TTC27: variants seen among roughly 807,000 people sequenced by gnomAD.
The protein encoded by TTC27 is tetratricopeptide repeat domain 27.
Under a neutral mutation model 115.9 loss-of-function variants are expected in TTC27, and 79 were observed. That is an observed-to-expected ratio of 0.68 (90% CI 0.57 to 0.82). TTC27 has a LOEUF of 0.82. Among genes scored for constraint, TTC27 ranks in the 40% least tolerant of loss-of-function variants. The pLI is 0.00. For missense variants in TTC27, 1,054 were observed against 993.1 expected (o/e 1.06, Z -0.82); for synonymous variants, 401 against 356.0 (o/e 1.13, Z -1.42).
At chr2:32,663,673 TATG>T (rs758075941) in intron 5 of TTC27, among the ~76,000 whole-genome samples, 1 of 150,780 alleles carries the variant, frequency 6.6e-6, no homozygotes, top group African/African-American at 2.4e-5. Context: ...TGTATGTATG[TATG>T]TATGTATTTA....
chr2:32,696,939 C>T (rs1168874923), intron 9 of TTC27, among the ~76,000 whole-genome samples: 1 of 152,162 alleles, frequency 6.6e-6, no homozygotes. Flanking sequence ...TGGCTCACAC[C>T]TGTAATCCTA....
intron 16 of TTC27, among the ~76,000 whole-genome samples, chr2:32,794,265 C>T (rs1398565384): frequency 6.6e-6 from 1 of 151,880 alleles, no homozygotes; most frequent in Non-Finnish European, 1.5e-5. Context: ...CTCTGACTAC[C>T]CCAGGATGAA....
chr2:32,780,772 A>G (rs1457178782), intron 14 of TTC27, among the ~76,000 whole-genome samples: 1 of 151,802 alleles, frequency 6.6e-6, no homozygotes, highest in Non-Finnish European at 1.5e-5. Flanking sequence ...TATTGTTAGC[A>G]TATAGAAACA....
intron 13 of TTC27, among the ~76,000 whole-genome samples, chr2:32,766,783 A>ATTAT (rs1669642133): frequency 6.6e-6 from 1 of 151,992 alleles, no homozygotes; most frequent in African/African-American, 2.4e-5. Context: ...ATATTGCTTT[A>ATTAT]TTATTTATTT....
chr2:32,760,112 G>GA (rs899073625), intron 13 of TTC27, among the ~76,000 whole-genome samples: 5 of 151,786 alleles, frequency 3.3e-5, no homozygotes, highest in South Asian at 2.1e-4. Context: ...GTTTTACATT[G>GA]AAAAAAAATC....
chr2:32,694,163 C>G (rs1281277698), intron 9 of TTC27, among the ~76,000 whole-genome samples: 1 of 151,846 alleles, frequency 6.6e-6, no homozygotes, highest in Non-Finnish European at 1.5e-5. Flanking sequence ...CTTAGCATTT[C>G]TAAGAAATGA....
intron 11 of TTC27, among the ~76,000 whole-genome samples, chr2:32,736,326 T>C (rs1199720898): frequency 6.6e-6 from 1 of 152,184 alleles, no homozygotes; most frequent in Non-Finnish European, 1.5e-5. Flanking sequence ...TATTGACTGC[T>C]CAGAGTTTTA....
intron 16 of TTC27, among the ~76,000 whole-genome samples, chr2:32,797,692 G>C (rs1188738477): frequency 6.6e-6 from 1 of 152,114 alleles, no homozygotes; most frequent in African/African-American, 2.4e-5. Flanking sequence ...CTTTATAACG[G>C]TAGATTTGGC....
chr2:32,697,490 T>A (rs188342229), intron 9 of TTC27, among the ~76,000 whole-genome samples: 38 of 152,322 alleles, frequency 2.5e-4, no homozygotes, highest in African/African-American at 8.9e-4. Flanking sequence ...AGAAATGTGT[T>A]TATAAGATAT....
At chr2:32,744,086 T>C (rs1668736868) in intron 12 of TTC27, among the ~76,000 whole-genome samples, 1 of 152,220 alleles carries the variant, frequency 6.6e-6, no homozygotes, top group Admixed American at 6.5e-5. Context: ...TAGTCCGATA[T>C]GATAGATACA....
chr2:32,767,443 G>GTTT lies in TTC27; in HGVS notation c.1680+8931_1680+8933dup, dbSNP rs150586627. Among the ~76,000 whole-genome samples the GTTT allele has an allele frequency of 8.9e-3, 999 of 112,098 alleles. 26 individuals are homozygous for GTTT. The highest frequency in any genetic ancestry group is 0.016 in the Middle Eastern group (3 of 192). The allele number at this position is 112,098 out of a possible 152,430, so 73.5% of individuals were successfully genotyped here. ...AAAGATACTAAGTGAATATTTATAA[G>GTTT]TTTTTTTTTGTTTTTTTTTTTTTTT... On this transcript the variant is annotated intron_variant, in intron 13 of 19. Coordinates refer to ENST00000317907, the MANE Select transcript of TTC27 (RefSeq NM_017735.5).
intron 16 of TTC27, among the ~76,000 whole-genome samples, chr2:32,795,078 C>T (rs906841432): frequency 6.0e-5 from 9 of 151,106 alleles, no homozygotes; most frequent in Middle Eastern, 3.4e-3. Context: ...CCTCTTGGCT[C>T]ATGCTATGAG....
intron 3 of TTC27, among the ~76,000 whole-genome samples, chr2:32,639,999 C>CAAAACAAAAACA (rs143705357): frequency 2.0e-5 from 3 of 151,760 alleles, no homozygotes; most frequent in East Asian, 3.9e-4. Flanking sequence ...ACTCCCATCT[C>CAAAACAAAAACA]AAAACAAAAA....
chr2:32,672,220 A>C, intron 7 of TTC27, 52 bp from the exon 8 acceptor site: 1 of 1,347,556 alleles, frequency 7.4e-7, no homozygotes, highest in Non-Finnish European at 1.1e-6. Flanking sequence ...CATTCTGGTG[A>C]ATGAATAAAA....
intron 13 of TTC27, among the ~76,000 whole-genome samples, chr2:32,776,797 C>T (rs540521865): frequency 6.5e-4 from 99 of 152,080 alleles, no homozygotes; most frequent in African/African-American, 2.3e-3. Flanking sequence ...TTAGTTGAGA[C>T]GGGGGCTTCA....
At chr2:32,674,910 C>A (rs1339107515) in intron 8 of TTC27, among the ~76,000 whole-genome samples, 3 of 152,174 alleles carry the variant, frequency 2.0e-5, no homozygotes, top group African/African-American at 4.8e-5. Flanking sequence ...AATCCGCCCA[C>A]CTCGGCCTCC....
At chr2:32,748,516 G>T (rs970304922) in intron 12 of TTC27, among the ~76,000 whole-genome samples, 1 of 152,000 alleles carries the variant, frequency 6.6e-6, no homozygotes, top group East Asian at 1.9e-4. Context: ...TAAAAGTTAG[G>T]TATTGACATC....
chr2:32,640,635 G>A (rs1440785645), intron 4 of TTC27, among the ~76,000 whole-genome samples: 1 of 152,136 alleles, frequency 6.6e-6, no homozygotes, highest in African/African-American at 2.4e-5. Flanking sequence ...GGATTTATGT[G>A]TGTACTGTGT....
intron 5 of TTC27, among the ~76,000 whole-genome samples, chr2:32,663,269 C>T (rs1248353823): frequency 6.6e-6 from 1 of 152,132 alleles, no homozygotes; most frequent in Non-Finnish European, 1.5e-5. Context: ...AACGGCTGCC[C>T]AGTTTTGTGC....
Sources: gnomAD v4.1 joint callset for allele counts (sites outside exome capture counted in the v4.1 genomes callset) on GRCh38, gnomAD v4.1.1 for gene constraint, MANE v1.5 for transcripts, NCBI Gene and HGNC (gene_info 2026-07-23, HGNC 2026-07-21) for gene names.